Variants in FCRL3 observed in about 807,000 individuals in gnomAD.
FCRL3 encodes the protein Fc receptor like 3, also known as Fc receptor-like protein 3.
In FCRL3, 89 loss-of-function variants were observed where a neutral mutation model predicts 75.0. The observed-to-expected ratio is 1.19, with a 90% confidence interval of 1.00 to 1.42. The LOEUF is 1.42. Ranked by LOEUF, FCRL3 falls within the 40% of genes most tolerant of loss-of-function variation. FCRL3 has a pLI of 0.00. For missense variants in FCRL3, 946 were observed against 880.0 expected (o/e 1.07, Z -0.95); for synonymous variants, 376 against 348.5 (o/e 1.08, Z -0.88).
Position 157,696,294 on chromosome 1 carries a change from C to A in FCRL3, c.878G>T (p.Arg293Leu), listed in dbSNP as rs115596233. 1.3e-3 allele frequency: 2,076 copies of A among 1,613,870 alleles called. 27 individuals carry two copies. The African/African-American group carries it at 0.022, about 17-fold the overall frequency. ...VPVSNVNLEI[R>L]PTGGQLIEGE... The stretch of plus-strand genomic sequence containing the variant: ...TTCAATCAGCTGCCCTCCGGTGGGC[C>A]GGATCTCTAGATTCACATTAGACAC... The change falls in exon 7 of 15, where the codon CGG becomes CTG. Residue 293 changes from arginine (R) to leucine (L), a missense_variant. Physicochemically the swap from Arg to Leu is moderately radical, Grantham distance 102. Transcript: ENST00000368184.
At position 157,689,831 on chromosome 1, in the gene FCRL3, G is replaced by GAGC. The variant is rs541277881; in HGVS notation, c.1774_1776dup (p.Ala592dup). The GAGC allele has an allele frequency of 2.4e-5, 39 of 1,614,116 alleles. No homozygotes were observed. Among genetic ancestry groups the GAGC allele is most frequent in the Admixed American group, 5.0e-5 (3 of 60,028 alleles). On this transcript the variant is annotated inframe_insertion, in exon 10 of 15. Transcript: ENST00000368184. ...CTTCGGGCCCTGGCGTAATGCAGCAGAGCAGCAGCAGCAGCAAGGACGAGG... is the reference window on the plus strand; with the variant it reads ...CTTCGGGCCCTGGCGTAATGCAGCAGAGCAGCAGCAGCAGCAGCAAGGACGAGG...
chr1:157,690,678 T>TATTAGCTC, intron 8 of FCRL3, 145 bp from the exon 9 acceptor site: 1 of 989,106 alleles, frequency 1.0e-6, no homozygotes, highest in Non-Finnish European at 1.5e-6. Flanking sequence ...TCTCTATCCT[T>TATTAGCTC]TATTAGCTCT....
chr1:157,686,465 G>T (rs1011269263), intron 10 of FCRL3, among the ~76,000 whole-genome samples: 5 of 151,990 alleles, frequency 3.3e-5, no homozygotes, highest in Admixed American at 2.6e-4. Context: ...AACCAAAAAA[G>T]AGCCCAAATA....
intron 13 of FCRL3, among the ~76,000 whole-genome samples, chr1:157,679,830 CAAAA>C (rs1166825112): frequency 8.0e-5 from 4 of 49,902 alleles, no homozygotes; most frequent in Admixed American, 3.6e-4. Flanking sequence ...CCCCATCTCA[CAAAA>C]AAAAAAAAAA....
In FCRL3 at chr1:157,677,525, C is replaced by T. The variant is rs1316763959; in HGVS notation, c.*1185G>A. On this transcript the variant is annotated 3_prime_UTR_variant, in exon 15 of 15. Coordinates refer to ENST00000368184, the MANE Select transcript of FCRL3 (RefSeq NM_052939.4). Reference sequence around the variant, plus strand: ...GGATTTCAGAATGGAGGTGAAGTCACTGAAAATTGTTGGTACATTTTCATT... The same window carrying T: ...GGATTTCAGAATGGAGGTGAAGTCATTGAAAATTGTTGGTACATTTTCATT... 3 of 985,198 alleles carry T rather than the reference C, an allele frequency of 3.0e-6. No homozygotes were observed. The highest frequency in any genetic ancestry group is 9.4e-5 in the South Asian group (2 of 21,290). 61.0% of individuals were successfully genotyped at this position (985,198 alleles called of 1,614,324 possible).
chr1:157,678,388 T>C lies in FCRL3; in HGVS notation c.*322A>G, dbSNP rs1031582178. 6 of 1,171,244 alleles carry C rather than the reference T, an allele frequency of 5.1e-6. No homozygotes were observed. The highest frequency in any genetic ancestry group is 5.3e-6 in the Non-Finnish European group (5 of 942,736). The allele number at this position is 1,171,244 out of a possible 1,614,324, so 72.6% of individuals were successfully genotyped here. A position where few individuals can be genotyped will look rare whatever the true frequency, so the allele number is the denominator to read the frequency against. On this transcript the variant is annotated 3_prime_UTR_variant, in exon 15 of 15. Transcript: ENST00000368184. ...CGATCACACTTGGATCAAATGGTCATGATTGTGCCCTTGTAACCCTGGCTA... is the reference window on the plus strand; with the variant it reads ...CGATCACACTTGGATCAAATGGTCACGATTGTGCCCTTGTAACCCTGGCTA...
In FCRL3 at chr1:157,685,879, TAA is replaced by T. The variant is rs1553195033; in HGVS notation, c.1811-2637_1811-2636del. On this transcript the variant is annotated intron_variant, in intron 10 of 14. Coordinates refer to ENST00000368184, the MANE Select transcript of FCRL3 (RefSeq NM_052939.4). ...GTAAAGATAAAAATTAATGCATAAA[TAA>T]AAAAATTTTTTTTAATTAATGAAAA... Among the ~76,000 whole-genome samples, 4 of 152,110 alleles carry T rather than the reference TAA, an allele frequency of 2.6e-5. No homozygotes were observed. The East Asian group carries it at 7.7e-4, about 29-fold the overall frequency.
intron 5 of FCRL3, 69 bp from the exon 6 acceptor site, chr1:157,697,493 A>C: frequency 6.7e-7 from 1 of 1,500,168 alleles, no homozygotes; most frequent in South Asian, 1.4e-5. Context: ...TGCATTTGTC[A>C]TCTCAGCACC....
intron 3 of FCRL3, among the ~76,000 whole-genome samples, 187 bp downstream of exon 3, chr1:157,699,505 A>G (rs1326258147): frequency 6.6e-6 from 1 of 151,730 alleles, no homozygotes; most frequent in Non-Finnish European, 1.5e-5. Flanking sequence ...GTAGGGAGAA[A>G]AAAAAAAAAA....
Position 157,676,919 on chromosome 1 carries a change from A to G in FCRL3, c.*1791T>C, listed in dbSNP as rs1004259021. 4.9e-6 allele frequency: 7 copies of G among 1,432,508 alleles called. No homozygotes were observed. The highest frequency in any genetic ancestry group is 1.4e-5 in the African/African-American group (1 of 69,640). 88.7% of individuals were successfully genotyped at this position (1,432,508 alleles called of 1,614,324 possible). On this transcript the variant is annotated 3_prime_UTR_variant, in exon 15 of 15. Coordinates refer to ENST00000368184, the MANE Select transcript of FCRL3 (RefSeq NM_052939.4). ...ATATACAGCCTGGTGGTTGGTACCC[A>G]AAACCGGTTTACATATTTTCACCAT...
chr1:157,689,709 A>G (rs965344494), intron 10 of FCRL3, 89 bp downstream of exon 10: 4 of 1,545,960 alleles, frequency 2.6e-6, no homozygotes, highest in African/African-American at 2.7e-5. Flanking sequence ...TTGGAAGGGA[A>G]TACTTGACCT....
chr1:157,683,239 G>A lies in FCRL3; in HGVS notation c.1816C>T (p.Leu606Phe). Residue 606 changes from leucine to phenylalanine, a missense_variant, in exon 11 of 15, where the codon CTT (leucine) becomes TTT (phenylalanine). Coordinates refer to ENST00000368184, the MANE Select transcript of FCRL3 (RefSeq NM_052939.4). ...YARARRKPGG[L>F]SATGTSSHSP... ...CACCTAGATGTTCCAGTGGCAGAAAGTCCTCCTGCAAAACAAACAAAGGAA... is the reference window on the plus strand; with the variant it reads ...CACCTAGATGTTCCAGTGGCAGAAAATCCTCCTGCAAAACAAACAAAGGAA... The A allele has an allele frequency of 6.2e-7, 1 of 1,613,532 alleles. No homozygotes were observed. Among genetic ancestry groups the A allele is most frequent in the Non-Finnish European group, 8.5e-7 (1 of 1,179,730 alleles).
At chr1:157,692,664 T>C (rs1655627141) in intron 8 of FCRL3, among the ~76,000 whole-genome samples, 2 of 152,244 alleles carry the variant, frequency 1.3e-5, no homozygotes. Context: ...AAAGATACGT[T>C]ACGTGTTTTT....
chr1:157,689,903 T>TG lies in FCRL3; in HGVS notation c.1704dup (p.Arg569GlnfsTer45). On this transcript the variant is annotated frameshift_variant, in exon 10 of 15. Coordinates refer to ENST00000368184, the MANE Select transcript of FCRL3 (RefSeq NM_052939.4). LOFTEE classifies it high-confidence loss of function. ...ATTCCCGCAGCGGTAAGGCCTGTTC[T>TG]GTTCCTGGAAGTTCCTGAGTGGAGG... 1.2e-6 allele frequency: 2 copies of TG among 1,614,106 alleles called. No homozygotes were observed. The highest frequency in any genetic ancestry group is 1.7e-6 in the Non-Finnish European group (2 of 1,179,930).
chr1:157,680,761 C>G lies in FCRL3; in HGVS notation c.1967G>C (p.Gly656Ala), dbSNP rs749109901. 1 of 1,614,010 alleles carries G rather than the reference C, an allele frequency of 6.2e-7. No homozygotes were observed. Residue 656 changes from glycine to alanine, a missense_variant, in exon 13 of 15, where the codon GGA becomes GCA. Transcript: ENST00000368184. ...LEPMYSNVNP[G>A]DSNPIYSQIW... is the part of the protein sequence containing the mutation. ...CTGGGAATAAATCGGGTTGCTATCT[C>G]CAGGATTTACTGTGAGAGAAGATAT...
intron 13 of FCRL3, among the ~76,000 whole-genome samples, chr1:157,680,127 C>A (rs1351948586): frequency 6.6e-6 from 1 of 152,042 alleles, no homozygotes; most frequent in Non-Finnish European, 1.5e-5. Flanking sequence ...ATTTCAAGAC[C>A]AGTAAGAAAC....
intron 10 of FCRL3, 138 bp from the exon 11 acceptor site, chr1:157,683,382 C>T (rs1654971447): frequency 5.0e-6 from 5 of 995,460 alleles, no homozygotes; most frequent in Non-Finnish European, 7.4e-6. Flanking sequence ...CCAGCTCCAC[C>T]CTCCTTACTC....
At position 157,676,556 on chromosome 1, in the gene FCRL3, T is replaced by A; in HGVS notation, c.*2154A>T. On this transcript the variant is annotated 3_prime_UTR_variant, in exon 15 of 15. Coordinates refer to ENST00000368184, the MANE Select transcript of FCRL3 (RefSeq NM_052939.4). ...TTTTAGATTTCTGGGCTATGGGTTT[T>A]TAGTTGTGAATTCAAAGATAAAAGT... The A allele has an allele frequency of 1.5e-6, 1 of 669,706 alleles. No homozygotes were observed. The allele number at this position is 669,706 out of a possible 1,614,324, so 41.5% of individuals were successfully genotyped here. A position where few individuals can be genotyped will look rare whatever the true frequency, so the allele number is the denominator to read the frequency against.
rs1655434467 is a variant in FCRL3, at chr1:157,690,315, A to G, written c.1630T>C (p.Cys544Arg). The part of the protein sequence containing the change: ...LTTEHSGNYS[C>R]EADNGLGAQH... ...GCCCCCAGGCCATTGTCAGCCTCACATGAGTAGTTTCCAGAATGTTCTGTA... is the reference window on the plus strand; with the variant it reads ...GCCCCCAGGCCATTGTCAGCCTCACGTGAGTAGTTTCCAGAATGTTCTGTA... The change falls in exon 9 of 15, where the codon TGT becomes CGT. Residue 544 changes from cysteine to arginine, a missense_variant. Coordinates refer to ENST00000368184, the MANE Select transcript of FCRL3 (RefSeq NM_052939.4). The G allele has an allele frequency of 1.2e-6, 2 of 1,614,104 alleles. No individual in the cohort carries two copies. The highest frequency in any genetic ancestry group is 3.3e-5 in the Admixed American group (2 of 60,006).
Sources: gnomAD v4.1 joint callset for allele counts (sites outside exome capture counted in the v4.1 genomes callset) on GRCh38, gnomAD v4.1.1 for gene constraint, MANE v1.5 for transcripts, NCBI Gene and HGNC (gene_info 2026-07-23, HGNC 2026-07-21) for gene names.